Variants in ST6GALNAC3 observed in about 807,000 individuals in gnomAD.
ST6GALNAC3 encodes ST6 N-acetylgalactosaminide alpha-2,6-sialyltransferase 3.
In ST6GALNAC3, 25 loss-of-function variants were observed where a neutral mutation model predicts 32.7. That is an observed-to-expected ratio of 0.76 (90% CI 0.56 to 1.07). The LOEUF (loss-of-function observed/expected upper bound fraction) is 1.07, where lower values mean the gene tolerates loss of function less well. Among genes scored for constraint, ST6GALNAC3 ranks in the 50% least tolerant of loss-of-function variants. The pLI, the probability that ST6GALNAC3 is intolerant of heterozygous loss-of-function variation, is 0.00. For missense variants in ST6GALNAC3, 355 were observed against 382.4 expected, an observed-to-expected ratio of 0.93 and a Z score of 0.60; for synonymous variants, 129 against 133.1, an observed-to-expected ratio of 0.97 and a Z score of 0.21.
chr1:76,491,682 C>G (rs113383359), intron 3 of ST6GALNAC3, among the ~76,000 whole-genome samples: 34 of 152,158 alleles, frequency 2.2e-4, no homozygotes, highest in African/African-American at 8.0e-4. Context: ...TTCACTATAT[C>G]TCCCCAGCTA....
intron 3 of ST6GALNAC3, chr1:76,576,876 G>C (rs538472507): frequency 7.7e-7 from 1 of 1,304,428 alleles, no homozygotes; most frequent in Non-Finnish European, 1.0e-6. Flanking sequence ...TTGATTGATC[G>C]AACAGCAACC....
intron 1 of ST6GALNAC3, among the ~76,000 whole-genome samples, chr1:76,308,936 G>C (rs1646696142): frequency 6.6e-6 from 1 of 152,114 alleles, no homozygotes; most frequent in Non-Finnish European, 1.5e-5. Flanking sequence ...CTACCACTTA[G>C]AGTCTATGTA....
At chr1:76,403,518 A>G (rs1250008599) in intron 2 of ST6GALNAC3, among the ~76,000 whole-genome samples, 3 of 152,106 alleles carry the variant, frequency 2.0e-5, no homozygotes, top group Non-Finnish European at 4.4e-5. Flanking sequence ...CTAGGCATCT[A>G]TTGGAATCAC....
intron 2 of ST6GALNAC3, among the ~76,000 whole-genome samples, chr1:76,351,923 T>C (rs1204810869): frequency 6.6e-6 from 1 of 152,086 alleles, no homozygotes; most frequent in African/African-American, 2.4e-5. Context: ...AAATTCATGT[T>C]GAGGAGGTTG....
chr1:76,327,277 T>C (rs1452167281), intron 2 of ST6GALNAC3, among the ~76,000 whole-genome samples: 2 of 33,224 alleles, frequency 6.0e-5, no homozygotes, highest in Non-Finnish European at 1.4e-4. Flanking sequence ...TATATATGCG[T>C]GTGTGTGTGT....
At chr1:76,075,711 G>GT (rs11410196) in intron 1 of ST6GALNAC3, among the ~76,000 whole-genome samples, 37,698 of 145,730 alleles carry the variant, frequency 0.26, 6,474 homozygotes, top group East Asian at 0.84. Context: ...CCCTGCCCTC[G>GT]TTTTTTTTTT....
chr1:76,559,714 A>C (rs560064646), intron 3 of ST6GALNAC3, among the ~76,000 whole-genome samples: 1 of 152,298 alleles, frequency 6.6e-6, no homozygotes, highest in East Asian at 1.9e-4. Flanking sequence ...GAGCATTCAC[A>C]GTACACAGTA....
At chr1:76,399,874 T>C (rs1653269218) in intron 2 of ST6GALNAC3, among the ~76,000 whole-genome samples, 1 of 152,170 alleles carries the variant, frequency 6.6e-6, no homozygotes, top group African/African-American at 2.4e-5. Flanking sequence ...AATTTTTAGC[T>C]ATATTGAAAT....
chr1:76,221,390 C>A (rs1655760732), intron 1 of ST6GALNAC3, among the ~76,000 whole-genome samples: 1 of 152,138 alleles, frequency 6.6e-6, no homozygotes, highest in African/African-American at 2.4e-5. Context: ...ATTTAATAAC[C>A]TATAATGAAG....
intron 1 of ST6GALNAC3, among the ~76,000 whole-genome samples, chr1:76,197,979 C>G (rs1248236543): frequency 6.6e-6 from 1 of 152,102 alleles, no homozygotes; most frequent in Non-Finnish European, 1.5e-5. Flanking sequence ...TAAAATTGCC[C>G]CTGGTTGAAA....
intron 3 of ST6GALNAC3, among the ~76,000 whole-genome samples, chr1:76,455,462 T>C (rs1173115763): frequency 6.6e-6 from 1 of 152,198 alleles, no homozygotes; most frequent in Admixed American, 6.6e-5. Context: ...TTAGTGTATA[T>C]AGGTTTTTCT....
Position 76,126,186 on chromosome 1 carries a change from A to G in ST6GALNAC3, c.18+51302A>G, listed in dbSNP as rs533080831. Among the ~76,000 whole-genome samples the G allele has an allele frequency of 5.9e-4, 90 of 152,252 alleles. 1 individual carries two copies. The highest frequency in any genetic ancestry group is 9.9e-4 in the Non-Finnish European group (67 of 68,010). On this transcript the variant is annotated intron_variant, in intron 1 of 4. Transcript: ENST00000328299. ...AAATATTTCAAGAGAAACAACCACA[A>G]AGAGTCTTCTATTTTCTCAATATTT...
At chr1:76,280,979 G>A (rs1430798263) in intron 1 of ST6GALNAC3, among the ~76,000 whole-genome samples, 2 of 152,192 alleles carry the variant, frequency 1.3e-5, no homozygotes, top group African/African-American at 4.8e-5. Context: ...TTTATGCCAT[G>A]CACTGTTCTA....
chr1:76,078,696 A>G (rs1646849399), intron 1 of ST6GALNAC3, among the ~76,000 whole-genome samples: 1 of 152,194 alleles, frequency 6.6e-6, no homozygotes, highest in Non-Finnish European at 1.5e-5. Context: ...TAGCAGGTTC[A>G]TTTCTTGCCA....
chr1:76,083,073 C>T (rs1144343), intron 1 of ST6GALNAC3, among the ~76,000 whole-genome samples: 3 of 151,990 alleles, frequency 2.0e-5, no homozygotes, highest in South Asian at 4.1e-4. Context: ...GCATTTACTA[C>T]ACACGAAGTA....
intron 3 of ST6GALNAC3, among the ~76,000 whole-genome samples, chr1:76,569,123 G>A (rs755870138): frequency 6.6e-6 from 1 of 152,126 alleles, no homozygotes; most frequent in South Asian, 2.1e-4. Context: ...CTAGGGAAAT[G>A]AATGAAGGGC....
intron 3 of ST6GALNAC3, among the ~76,000 whole-genome samples, chr1:76,479,957 A>AT (rs1031516742): frequency 1.6e-4 from 25 of 152,312 alleles, no homozygotes; most frequent in African/African-American, 5.5e-4. Context: ...AAATATGTAC[A>AT]TTTTTTAAAT....
intron 3 of ST6GALNAC3, among the ~76,000 whole-genome samples, chr1:76,540,652 A>G (rs982704631): frequency 6.6e-6 from 1 of 152,110 alleles, no homozygotes; most frequent in Non-Finnish European, 1.5e-5. Context: ...GTTTTTTCTT[A>G]TATGGTATAA....
intron 3 of ST6GALNAC3, among the ~76,000 whole-genome samples, chr1:76,589,131 T>G (rs1431744586): frequency 1.3e-5 from 2 of 152,154 alleles, no homozygotes; most frequent in Non-Finnish European, 2.9e-5. Context: ...CGGCTCTGAA[T>G]AAAAACAAAA....
Sources: allele counts gnomAD v4.1 joint callset (sites outside exome capture counted in the v4.1 genomes callset), GRCh38; gene constraint gnomAD v4.1.1; transcripts MANE v1.5; gene names NCBI Gene and HGNC (gene_info 2026-07-23, HGNC 2026-07-21).